The following ADGRB3 variants were observed in gnomAD, a reference collection of about 807,000 sequenced individuals.
ADGRB3 encodes the protein adhesion G protein-coupled receptor B3, also known as brain-specific angiogenesis inhibitor 3.
ADGRB3 carries 37 observed loss-of-function variants against 193.4 expected under a neutral mutation model. That is an observed-to-expected ratio of 0.19 (90% CI 0.15 to 0.25). ADGRB3 has a LOEUF of 0.25. Among genes scored for constraint, ADGRB3 ranks in the 10% least tolerant of loss-of-function variants. The pLI is 1.00. For synonymous variants in ADGRB3, 690 were observed against 644.2 expected, an observed-to-expected ratio of 1.07 and a Z score of -1.08; for missense variants, 1,637 against 1,852.9, an observed-to-expected ratio of 0.88 and a Z score of 2.14.
At chr6:68,924,907 T>C (rs189323365) in intron 3 of ADGRB3, among the ~76,000 whole-genome samples, 2 of 151,962 alleles carry the variant, frequency 1.3e-5, no homozygotes, top group Admixed American at 1.3e-4. Context: ...TGTAAATATA[T>C]CCCAATATTT....
At chr6:68,835,853 G>A (rs888898883) in intron 3 of ADGRB3, among the ~76,000 whole-genome samples, 2 of 152,030 alleles carry the variant, frequency 1.3e-5, no homozygotes, top group African/African-American at 4.8e-5. Context: ...TCATTGTTTA[G>A]TGGATTATTT....
intron 26 of ADGRB3, among the ~76,000 whole-genome samples, chr6:69,351,817 C>T (rs1318997929): frequency 6.6e-6 from 1 of 152,090 alleles, no homozygotes; most frequent in African/African-American, 2.4e-5. Context: ...TCATAGTCAG[C>T]CAAAAATATT....
At chr6:68,870,185 C>T (rs1245908674) in intron 3 of ADGRB3, among the ~76,000 whole-genome samples, 3 of 152,152 alleles carry the variant, frequency 2.0e-5, no homozygotes, top group Admixed American at 6.5e-5. Flanking sequence ...AGCATTATTT[C>T]GCATGAAGAC....
At chr6:69,355,650 A>G (rs971919767) in intron 27 of ADGRB3, among the ~76,000 whole-genome samples, 171 bp from the exon 28 acceptor site, 1 of 152,146 alleles carries the variant, frequency 6.6e-6, no homozygotes, top group Non-Finnish European at 1.5e-5. Flanking sequence ...TGGGCTCTAG[A>G]AAACACTGTT....
chr6:69,003,361 G>A (rs1769642298), intron 11 of ADGRB3, among the ~76,000 whole-genome samples: 1 of 151,974 alleles, frequency 6.6e-6, no homozygotes, highest in African/African-American at 2.4e-5. Flanking sequence ...CACTTATTAT[G>A]GAAGAAAAGG....
intron 3 of ADGRB3, among the ~76,000 whole-genome samples, chr6:68,738,250 A>T: frequency 6.6e-6 from 1 of 152,186 alleles, no homozygotes; most frequent in East Asian, 1.9e-4. Flanking sequence ...AACTGATAGC[A>T]GATGAGATCT....
At chr6:68,678,070 C>T (rs898697744) in intron 3 of ADGRB3, among the ~76,000 whole-genome samples, 2 of 152,022 alleles carry the variant, frequency 1.3e-5, no homozygotes, top group Non-Finnish European at 2.9e-5. Context: ...AAAAGACAGG[C>T]CAAAGTATCT....
At chr6:69,202,740 G>A (rs956018258) in intron 17 of ADGRB3, among the ~76,000 whole-genome samples, 11 of 152,198 alleles carry the variant, frequency 7.2e-5, no homozygotes, top group African/African-American at 2.6e-4. Flanking sequence ...GAAAAGCTGG[G>A]TATAAGAACA....
intron 16 of ADGRB3, among the ~76,000 whole-genome samples, chr6:69,070,216 CA>C (rs1478923536): frequency 6.6e-6 from 1 of 152,142 alleles, no homozygotes; most frequent in East Asian, 1.9e-4. Context: ...GTGAAAGGTA[CA>C]AAAAAGTTCT....
At chr6:68,782,496 G>A (rs999621467) in intron 3 of ADGRB3, among the ~76,000 whole-genome samples, 2 of 152,102 alleles carry the variant, frequency 1.3e-5, no homozygotes. Context: ...CCAGAAATGG[G>A]ATGGCTGGGT....
intron 3 of ADGRB3, among the ~76,000 whole-genome samples, chr6:68,841,911 T>C (rs1768166735): frequency 6.7e-6 from 1 of 149,936 alleles, no homozygotes; most frequent in African/African-American, 2.4e-5. Context: ...GATTGCTTAA[T>C]TGGTACAAAA....
At chr6:68,868,911 A>ATGTGTG (rs375255522) in intron 3 of ADGRB3, among the ~76,000 whole-genome samples, 8,098 of 139,578 alleles carry the variant, frequency 0.058, 297 homozygotes, top group Non-Finnish European at 0.077. Context: ...CCAGATAATG[A>ATGTGTG]TGTGTGTGTG....
At position 68,879,213 on chromosome 6, in the gene ADGRB3, C is replaced by CTTTTTTT. The variant is rs529789046; in HGVS notation, c.758-51329_758-51323dup. ...CTCTTTTCTGCTTTACTTTTTGTCG[C>CTTTTTTT]TTTTTTTTTTTTTTTTTTTTTTTGA... On this transcript the variant is annotated intron_variant, in intron 3 of 31. Transcript: ENST00000370598. Among the ~76,000 whole-genome samples the CTTTTTTT allele has an allele frequency of 2.4e-4, 22 of 91,906 alleles. 1 individual carries two copies. Among genetic ancestry groups the CTTTTTTT allele is most frequent in the African/African-American group, 3.9e-4 (8 of 20,612 alleles). 60.3% of individuals were successfully genotyped at this position (91,906 alleles called of 152,430 possible). A position where few individuals can be genotyped will look rare whatever the true frequency, so the allele number is the denominator to read the frequency against.
Position 69,388,926 on chromosome 6 carries a change from T to G in ADGRB3, c.*35T>G, listed in dbSNP as rs1168987627. Reference sequence around the variant, plus strand: ...AATGGACTAAGGTAGAGACAAAACTTTATTGCACTGACACTTAAGACTTGG... The same window carrying G: ...AATGGACTAAGGTAGAGACAAAACTGTATTGCACTGACACTTAAGACTTGG... On this transcript the variant is annotated 3_prime_UTR_variant, in exon 32 of 32. Transcript: ENST00000370598. The G allele has an allele frequency of 6.3e-7, 1 of 1,581,566 alleles. No homozygotes were observed. The highest frequency in any genetic ancestry group is 1.4e-5 in the African/African-American group (1 of 73,740).
chr6:68,847,942 G>A (rs1479604013), intron 3 of ADGRB3, among the ~76,000 whole-genome samples: 1 of 151,016 alleles, frequency 6.6e-6, no homozygotes, highest in African/African-American at 2.4e-5. Flanking sequence ...AAAGAAGAAA[G>A]TGATATCAAC....
At chr6:69,309,938 A>C (rs2127299865) in intron 20 of ADGRB3, among the ~76,000 whole-genome samples, 1 of 151,748 alleles carries the variant, frequency 6.6e-6, no homozygotes, top group East Asian at 2.0e-4. Flanking sequence ...GAGAAGACCC[A>C]AAAACACATT....
At chr6:68,836,331 C>A (rs1324951632) in intron 3 of ADGRB3, among the ~76,000 whole-genome samples, 1 of 148,980 alleles carries the variant, frequency 6.7e-6, no homozygotes, top group Non-Finnish European at 1.5e-5. Context: ...TGGGTTCACT[C>A]TTTACTTCTT....
intron 3 of ADGRB3, among the ~76,000 whole-genome samples, chr6:68,781,515 C>T (rs879686653): frequency 6.6e-6 from 1 of 152,098 alleles, no homozygotes; most frequent in African/African-American, 2.4e-5. Flanking sequence ...TTTGTCCCTA[C>T]TTAAACTTTG....
At chr6:69,269,370 T>C (rs975920905) in intron 20 of ADGRB3, among the ~76,000 whole-genome samples, 1 of 152,174 alleles carries the variant, frequency 6.6e-6, no homozygotes, top group South Asian at 2.1e-4. Flanking sequence ...TTTACAAATG[T>C]GTCCAATGTA....
Sources: allele counts gnomAD v4.1 joint callset (sites outside exome capture counted in the v4.1 genomes callset), GRCh38; gene constraint gnomAD v4.1.1; transcripts MANE v1.5; gene names NCBI Gene and HGNC (gene_info 2026-07-23, HGNC 2026-07-21).